The following PSMC1 variants were observed in gnomAD, a reference collection of about 807,000 sequenced individuals.
The protein encoded by PSMC1 is 26S proteasome regulatory subunit 4.
PSMC1 carries 5 observed loss-of-function variants against 49.8 expected under a neutral mutation model. That is an observed-to-expected ratio of 0.10 (90% CI 0.05 to 0.21). The LOEUF (loss-of-function observed/expected upper bound fraction) is 0.21. PSMC1 is among the 10% of genes least tolerant of loss of function. PSMC1 has a pLI of 1.00. For synonymous variants in PSMC1, 155 were observed against 192.1 expected (o/e 0.81, Z 1.60); for missense variants, 181 against 535.7 (o/e 0.34, Z 6.54).
In PSMC1 at chr14:90,272,772, C is replaced by CA. The variant is rs1470971582; in HGVS notation, c.*366dup. 1.2e-5 allele frequency: 2 copies of CA among 163,902 alleles called. No individual in the cohort carries two copies. Among genetic ancestry groups the CA allele is most frequent in the Non-Finnish European group, 2.6e-5 (2 of 75,754 alleles). The allele number at this position is 163,902 out of a possible 1,614,324, so 10.2% of individuals were successfully genotyped here. A position where few individuals can be genotyped will look rare whatever the true frequency, so the allele number is the denominator to read the frequency against. On this transcript the variant is annotated 3_prime_UTR_variant, in exon 11 of 11. Coordinates refer to ENST00000261303, the MANE Select transcript of PSMC1 (RefSeq NM_002802.3). This position sits in a 1 kb window ranked among gnomAD's most constrained non-coding sequence, Gnocchi z 4.5. Reference sequence around the variant, plus strand: ...CTATGCGTTCGCCACATCACACCCCCAGAGCTGGCGTTCAACGGTAATTAC... The same window carrying CA: ...CTATGCGTTCGCCACATCACACCCCCAAGAGCTGGCGTTCAACGGTAATTAC...
At chr14:90,269,321 T>G in intron 8 of PSMC1, 76 bp from the exon 9 acceptor site, 6 of 1,293,556 alleles carry the variant, frequency 4.6e-6, no homozygotes, top group Non-Finnish European at 6.4e-6. Context: ...TTTGTCACAA[T>G]GAGGTCTTTG....
At chr14:90,267,133 C>CTT (rs530748596) in intron 7 of PSMC1, among the ~76,000 whole-genome samples, 15 of 143,072 alleles carry the variant, frequency 1.0e-4, no homozygotes, top group African/African-American at 2.0e-4. Flanking sequence ...TTTTTCTTTT[C>CTT]TTTTTTTTTT....
At position 90,274,838 on chromosome 14, in the gene PSMC1, A is replaced by ACACACACACCCCCC. The variant is rs1491397403; in HGVS notation, c.*2432_*2433insACACACACCCCCCC. 2 of 67,182 alleles carry ACACACACACCCCCC rather than the reference A, an allele frequency of 3.0e-5. No individual in the cohort carries two copies. The highest frequency in any genetic ancestry group is 6.4e-5 in the Non-Finnish European group (2 of 31,320). 4.2% of individuals were successfully genotyped at this position (67,182 alleles called of 1,614,324 possible). A position where few individuals can be genotyped will look rare whatever the true frequency, so the allele number is the denominator to read the frequency against. On this transcript the variant is annotated 3_prime_UTR_variant, in exon 11 of 11. Transcript: ENST00000261303. ...CACACACACACACACACACACACACACCCCAATACATATGAATTGATCTGA... is the reference window on the plus strand; with the variant it reads ...CACACACACACACACACACACACACACACACACACCCCCCCCCCAATACATATGAATTGATCTGA...
chr14:90,263,893 TTC>T (rs753822705), intron 5 of PSMC1, 46 bp downstream of exon 5: 3 of 1,609,016 alleles, frequency 1.9e-6, no homozygotes, highest in Non-Finnish European at 2.6e-6. Context: ...GTGCTTTCTC[TTC>T]TCACTTAGGT....
chr14:90,269,956 C>A, intron 9 of PSMC1: 1 of 482,528 alleles, frequency 2.1e-6, no homozygotes, highest in Non-Finnish European at 3.6e-6. Flanking sequence ...TCAGGAATTG[C>A]TCCTTTCATT....
chr14:90,261,148 G>A (rs930669725), intron 3 of PSMC1, among the ~76,000 whole-genome samples: 2 of 152,094 alleles, frequency 1.3e-5, no homozygotes, highest in Non-Finnish European at 2.9e-5. Context: ...CACACTGCCT[G>A]CCTTATGTTT....
In PSMC1 at chr14:90,272,569, C is replaced by T. The variant is rs913274500; in HGVS notation, c.*162C>T. The T allele has an allele frequency of 3.0e-5, 17 of 571,680 alleles. No homozygotes were observed. Among genetic ancestry groups the T allele is most frequent in the Admixed American group, 7.2e-5 (2 of 27,668 alleles). The allele number at this position is 571,680 out of a possible 1,614,324, so 35.4% of individuals were successfully genotyped here. ...CGATGTGTAAGTGCCCATTGGGTGG[C>T]CTGTTGGTCACTGTGCAGCAGTCTG... is the stretch of plus-strand genomic sequence containing the variant. On this transcript the variant is annotated 3_prime_UTR_variant, in exon 11 of 11. Coordinates refer to ENST00000261303, the MANE Select transcript of PSMC1 (RefSeq NM_002802.3). The surrounding 1 kb of genome is among the most constrained non-coding windows in gnomAD (Gnocchi z 4.5).
chr14:90,263,479 A>G (rs1891441805), intron 4 of PSMC1, 37 bp downstream of exon 4: 3 of 1,533,146 alleles, frequency 2.0e-6, no homozygotes, highest in Non-Finnish European at 2.6e-6. Context: ...CTTTTTTACA[A>G]ATTGAATTCT....
In PSMC1 at chr14:90,266,966, C is replaced by A. The variant is rs370621961; in HGVS notation, c.692-1258C>A. On this transcript the variant is annotated intron_variant, in intron 7 of 10. Coordinates refer to ENST00000261303, the MANE Select transcript of PSMC1 (RefSeq NM_002802.3). ...CACACCAGCTAGCCACCTCCACACTCCTCCCGTGCTGGCCCGAGGCTGCCA... is the reference window on the plus strand; with the variant it reads ...CACACCAGCTAGCCACCTCCACACTACTCCCGTGCTGGCCCGAGGCTGCCA... 8.5e-5 allele frequency among the ~76,000 whole-genome samples: 13 copies of A among 152,250 alleles called. No individual in the cohort carries two copies. In the South Asian group the frequency reaches 2.7e-3, roughly 32 times the overall value.
At chr14:90,269,173 A>G (rs1176069098) in intron 8 of PSMC1, 2 of 521,432 alleles carry the variant, frequency 3.8e-6, no homozygotes, top group Non-Finnish European at 3.4e-6. Context: ...TCTCTTAGCC[A>G]CACAGTAGGG....
At chr14:90,261,131 C>T (rs1225535503) in intron 3 of PSMC1, among the ~76,000 whole-genome samples, 1 of 152,198 alleles carries the variant, frequency 6.6e-6, no homozygotes, top group East Asian at 1.9e-4. Flanking sequence ...CCCCCTTGCT[C>T]ATCGGTCACA....
chr14:90,265,274 G>T, intron 7 of PSMC1, 108 bp downstream of exon 7: 6 of 683,808 alleles, frequency 8.8e-6, no homozygotes, highest in East Asian at 2.9e-5. Flanking sequence ...CAATTCCTTA[G>T]TTTAAAACAG....
chr14:90,266,053 C>T (rs142887689), intron 7 of PSMC1, among the ~76,000 whole-genome samples: 1 of 151,994 alleles, frequency 6.6e-6, no homozygotes, highest in Non-Finnish European at 1.5e-5. Context: ...GCCAGGAGTT[C>T]AAGACCAGCC....
At chr14:90,268,464 G>A (rs1468909153) in intron 8 of PSMC1, 51 bp downstream of exon 8, 1 of 1,564,910 alleles carries the variant, frequency 6.4e-7, no homozygotes, top group Non-Finnish European at 8.8e-7. Context: ...ACACCGCATA[G>A]CTCTTCTCTT....
At position 90,256,588 on chromosome 14, in the gene PSMC1, C is replaced by T. The variant is rs147695793; in HGVS notation, c.-10C>T. On this transcript the variant is annotated 5_prime_UTR_variant, in exon 1 of 11. Coordinates refer to ENST00000261303, the MANE Select transcript of PSMC1 (RefSeq NM_002802.3). ...CTTCCGGCAGCGGCAGCTCAAGTGG[C>T]CAAGGCAAGATGGTGAGTGACTAAG... The T allele has an allele frequency of 2.3e-5, 36 of 1,588,656 alleles. No homozygotes were observed. The African/African-American group carries it at 3.1e-4, about 14-fold the overall frequency.
chr14:90,272,097 T>C lies in PSMC1; in HGVS notation c.1189-176T>C. The C allele has an allele frequency of 2.0e-6, 1 of 506,236 alleles. No individual in the cohort carries two copies. Among genetic ancestry groups the C allele is most frequent in the Non-Finnish European group, 3.5e-6 (1 of 287,426 alleles). The allele number at this position is 506,236 out of a possible 1,614,324, so 31.4% of individuals were successfully genotyped here. On this transcript the variant is annotated intron_variant, in intron 10 of 10. Transcript: ENST00000261303. This position sits in a 1 kb window ranked among gnomAD's most constrained non-coding sequence, Gnocchi z 4.5. ...TTAGTAGAGATGGGGTTTCACCGTG[T>C]TGGCCAGGCTGGTCTTGAACTCCTG...
chr14:90,268,532 C>T lies in PSMC1; in HGVS notation c.881+119C>T. The T allele has an allele frequency of 3.2e-6, 3 of 950,062 alleles. No homozygotes were observed. The South Asian group carries it at 4.7e-5, about 15-fold the overall frequency. 58.9% of individuals were successfully genotyped at this position (950,062 alleles called of 1,614,324 possible). On this transcript the variant is annotated intron_variant, in intron 8 of 10. Transcript: ENST00000261303. Reference sequence around the variant, plus strand: ...GGCCACAGTTCTTGCTGTGCGTGGCCTTCCATGCATGCTTTAGGCTCTGCT... The same window carrying T: ...GGCCACAGTTCTTGCTGTGCGTGGCTTTCCATGCATGCTTTAGGCTCTGCT...
At chr14:90,264,812 C>G (rs909993540) in intron 6 of PSMC1, among the ~76,000 whole-genome samples, 1 of 152,138 alleles carries the variant, frequency 6.6e-6, no homozygotes, top group Non-Finnish European at 1.5e-5. Flanking sequence ...TCAAGAAGAG[C>G]TCCAGGCTGA....
intron 7 of PSMC1, 61 bp downstream of exon 7, chr14:90,265,227 C>A: frequency 8.4e-7 from 1 of 1,190,024 alleles, no homozygotes; most frequent in Non-Finnish European, 1.2e-6. Context: ...GCAGCATTGG[C>A]TAGTTATAAT....
Sources: gnomAD v4.1 joint callset for allele counts (sites outside exome capture counted in the v4.1 genomes callset) on GRCh38, gnomAD v4.1.1 for gene constraint, Gnocchi (gnomAD v3.1) non-coding constraint, MANE v1.5 for transcripts, NCBI Gene and HGNC (gene_info 2026-07-23, HGNC 2026-07-21) for gene names.